The following ZCCHC7 variants were observed in gnomAD, a reference collection of about 807,000 sequenced individuals.
ZCCHC7 encodes the protein zinc finger CCHC domain-containing protein 7.
Under a neutral mutation model 52.0 loss-of-function variants are expected in ZCCHC7, and 35 were observed. The ratio of observed to expected loss-of-function variants is 0.67; its 90% confidence interval spans 0.51 to 0.89. ZCCHC7 has a LOEUF of 0.89. ZCCHC7 is among the 40% of genes least tolerant of loss of function. The pLI, the probability that ZCCHC7 is intolerant of heterozygous loss-of-function variation, is 0.00. For synonymous variants in ZCCHC7, 217 were observed against 221.5 expected, an observed-to-expected ratio of 0.98 and a Z score of 0.18; for missense variants, 574 against 649.1, an observed-to-expected ratio of 0.88 and a Z score of 1.26.
intron 2 of ZCCHC7, among the ~76,000 whole-genome samples, chr9:37,205,971 A>G (rs2133188215): frequency 6.6e-6 from 1 of 152,030 alleles, no homozygotes; most frequent in Non-Finnish European, 1.5e-5. Flanking sequence ...ATTTTGGTGA[A>G]TTGACCCCTT....
chr9:37,193,230 C>T (rs146315739), intron 2 of ZCCHC7, among the ~76,000 whole-genome samples: 1 of 152,032 alleles, frequency 6.6e-6, no homozygotes, highest in Non-Finnish European at 1.5e-5. Flanking sequence ...AAATCAATAA[C>T]TTTAACATTT....
At chr9:37,296,881 T>TTGTGTGTGTG (rs56378965) in intron 2 of ZCCHC7, among the ~76,000 whole-genome samples, 5,289 of 124,068 alleles carry the variant, frequency 0.043, 215 homozygotes, top group East Asian at 0.066. Flanking sequence ...CCTGGCTAGT[T>TTGTGTGTGTG]TGTGTGTGTG....
intron 6 of ZCCHC7, among the ~76,000 whole-genome samples, chr9:37,331,720 C>T (rs1830457390): frequency 6.6e-6 from 1 of 151,618 alleles, no homozygotes; most frequent in Admixed American, 6.6e-5. Context: ...CAGCCAGAAT[C>T]TTTTCTTTTC....
At chr9:37,313,229 T>G (rs1291112097) in intron 5 of ZCCHC7, among the ~76,000 whole-genome samples, 3 of 152,232 alleles carry the variant, frequency 2.0e-5, no homozygotes, top group Non-Finnish European at 4.4e-5. Flanking sequence ...ATTGATTGAT[T>G]GTCTTACAAA....
At chr9:37,242,194 G>A (rs1825901169) in intron 2 of ZCCHC7, among the ~76,000 whole-genome samples, 1 of 151,700 alleles carries the variant, frequency 6.6e-6, no homozygotes, top group South Asian at 2.1e-4. Flanking sequence ...TAAATAAAAT[G>A]ATTAACATTT....
intron 5 of ZCCHC7, among the ~76,000 whole-genome samples, chr9:37,307,478 T>G (rs1179956092): frequency 6.6e-6 from 1 of 152,202 alleles, no homozygotes; most frequent in Non-Finnish European, 1.5e-5. Flanking sequence ...TAAGGGGTAT[T>G]TATGAAAGGG....
chr9:37,220,925 G>A (rs1265143148), intron 2 of ZCCHC7, among the ~76,000 whole-genome samples: 2 of 152,136 alleles, frequency 1.3e-5, no homozygotes, highest in Non-Finnish European at 2.9e-5. Flanking sequence ...GGCTAAGTGG[G>A]ATTTCTTTGT....
chr9:37,333,797 T>G (rs1319269081), intron 6 of ZCCHC7: 2 of 151,828 alleles, frequency 1.3e-5, no homozygotes, highest in Non-Finnish European at 3.0e-5. Context: ...AAAATCTTTT[T>G]TAAAACCCAC....
chr9:37,137,296 C>G lies in ZCCHC7; in HGVS notation c.610+10354C>G, dbSNP rs559050376. Reference sequence around the variant, plus strand: ...GATTAAAAAGTAGATAGGCAAAGTACAAGACTGAATTGAAAAGGAACCCTT... The same window carrying G: ...GATTAAAAAGTAGATAGGCAAAGTAGAAGACTGAATTGAAAAGGAACCCTT... On this transcript the variant is annotated intron_variant, in intron 2 of 8. Coordinates refer to ENST00000336755, the MANE Select transcript of ZCCHC7 (RefSeq NM_032226.3). 4.6e-5 allele frequency among the ~76,000 whole-genome samples: 7 copies of G among 152,204 alleles called. No individual in the cohort carries two copies. In the East Asian group the frequency reaches 1.2e-3, roughly 25 times the overall value.
chr9:37,306,803 T>TTTTTTTTTTTTC (rs1829346333), intron 5 of ZCCHC7, among the ~76,000 whole-genome samples: 1 of 95,988 alleles, frequency 1.0e-5, no homozygotes, highest in Non-Finnish European at 2.0e-5. Context: ...TTTTTTTTTT[T>TTTTTTTTTTTTC]TGGAGACAGG....
chr9:37,232,830 G>A (rs951719199), intron 2 of ZCCHC7, among the ~76,000 whole-genome samples: 2 of 152,034 alleles, frequency 1.3e-5, no homozygotes, highest in East Asian at 1.9e-4. Context: ...TTGTTCTTTC[G>A]ATGAAAGTGT....
intron 5 of ZCCHC7, among the ~76,000 whole-genome samples, chr9:37,308,087 G>A (rs1424792608): frequency 1.3e-5 from 2 of 152,024 alleles, no homozygotes; most frequent in African/African-American, 4.8e-5. Flanking sequence ...ATATTTTATT[G>A]TTTTAATTTG....
intron 1 of ZCCHC7, among the ~76,000 whole-genome samples, chr9:37,124,800 T>G (rs1842472496): frequency 6.6e-6 from 1 of 152,230 alleles, no homozygotes; most frequent in Admixed American, 6.5e-5. Context: ...ATTGGGTCAT[T>G]ATTAAGTTTG....
At position 37,137,210 on chromosome 9, in the gene ZCCHC7, T is replaced by C. The variant is rs557996322; in HGVS notation, c.610+10268T>C. 2.3e-3 allele frequency among the ~76,000 whole-genome samples: 343 copies of C among 152,148 alleles called. 1 individual carries two copies. The highest frequency in any genetic ancestry group is 8.1e-3 in the African/African-American group (337 of 41,544). On this transcript the variant is annotated intron_variant, in intron 2 of 8. Coordinates refer to ENST00000336755, the MANE Select transcript of ZCCHC7 (RefSeq NM_032226.3). ...AGAGTTAAATGCATTTCTACAAATA[T>C]ATGAGATGCTCCAGCAGAATACGTA...
chr9:37,321,074 C>T (rs1269094833), intron 5 of ZCCHC7, among the ~76,000 whole-genome samples: 2 of 150,194 alleles, frequency 1.3e-5, no homozygotes, highest in East Asian at 1.9e-4. Flanking sequence ...CTGCAACTTC[C>T]GCCTCCTGGG....
chr9:37,228,789 C>G (rs1368551793), intron 2 of ZCCHC7, among the ~76,000 whole-genome samples: 1 of 150,444 alleles, frequency 6.6e-6, no homozygotes, highest in African/African-American at 2.4e-5. Flanking sequence ...CTGCATACTT[C>G]TACCCAATCA....
intron 2 of ZCCHC7, among the ~76,000 whole-genome samples, chr9:37,132,449 A>C (rs1842823933): frequency 6.6e-6 from 1 of 152,100 alleles, no homozygotes; most frequent in South Asian, 2.1e-4. Context: ...TTTATGTCTA[A>C]TCTTTCCTAT....
At chr9:37,238,033 C>T (rs1007439294) in intron 2 of ZCCHC7, among the ~76,000 whole-genome samples, 7 of 152,090 alleles carry the variant, frequency 4.6e-5, no homozygotes, top group Non-Finnish European at 8.8e-5. Flanking sequence ...ACCTATTTAG[C>T]TTTCAGAGTT....
intron 5 of ZCCHC7, among the ~76,000 whole-genome samples, chr9:37,324,475 A>G (rs1830164105): frequency 1.3e-5 from 2 of 152,194 alleles, no homozygotes; most frequent in South Asian, 2.1e-4. Flanking sequence ...GAAGCTTTTG[A>G]TAATTTGACA....
Sources: gnomAD v4.1 joint callset for allele counts (sites outside exome capture counted in the v4.1 genomes callset) on GRCh38, gnomAD v4.1.1 for gene constraint, MANE v1.5 for transcripts, NCBI Gene and HGNC (gene_info 2026-07-23, HGNC 2026-07-21) for gene names.